Variants in KMT2C observed in about 807,000 individuals in gnomAD.
KMT2C encodes lysine methyltransferase 2C, also known as histone-lysine N-methyltransferase 2C.
KMT2C carries 88 observed loss-of-function variants against 507.9 expected under a neutral mutation model. The ratio of observed to expected loss-of-function variants is 0.17; its 90% CI spans 0.15 to 0.21. The LOEUF (loss-of-function observed/expected upper bound fraction) is 0.21. Among genes scored for constraint, KMT2C ranks in the 10% least tolerant of loss-of-function variants. The pLI, the probability that KMT2C is intolerant of heterozygous loss-of-function variation, is 1.00. For synonymous variants in KMT2C, 2,049 were observed against 2,080.8 expected, an observed-to-expected ratio of 0.98 and a Z score of 0.42; for missense variants, 4,954 against 5,957.8, an observed-to-expected ratio of 0.83 and a Z score of 5.55.
intron 3 of KMT2C, among the ~76,000 whole-genome samples, chr7:152,329,333 G>A (rs2096858813): frequency 6.6e-6 from 1 of 152,084 alleles, no homozygotes; most frequent in South Asian, 2.1e-4. Flanking sequence ...GGGAGGCTGA[G>A]ACAGGAGGAT....
At chr7:152,283,313 A>G (rs532997997) in intron 6 of KMT2C, among the ~76,000 whole-genome samples, 22 of 152,400 alleles carry the variant, frequency 1.4e-4, no homozygotes, top group Admixed American at 1.1e-3. Flanking sequence ...TGCCTATTAC[A>G]GAAGAGTTAA....
At chr7:152,245,317 A>G (rs1019696462) in intron 14 of KMT2C, among the ~76,000 whole-genome samples, 2 of 152,188 alleles carry the variant, frequency 1.3e-5, no homozygotes, top group Non-Finnish European at 2.9e-5. Context: ...TTTGTCTTGC[A>G]TCGTCCAATA....
rs2129089846 is a variant in KMT2C, at chr7:152,139,703, T to C, written c.14432A>G (p.Asn4811Ser). The change falls in exon 56 of 59, where the codon AAC becomes AGC. Residue 4811 changes from asparagine (N) to serine (S), a missense_variant. By Grantham distance (46) the Asn-to-Ser change is conservative. Around this residue, in one of 29 missense-constraint regions of KMT2C, gnomAD observed 133 missense variants for 258.9 expected, o/e 0.51. Transcript: ENST00000262189. ...AGACTCATAAAGCTTCTCTTTCCTG[T>C]TGGCTACTTCGTTTCGAATGATAGT... ...IGTIIRNEVA[N>S]RKEKLYESQN... 1 of 1,613,852 alleles carries C rather than the reference T, an allele frequency of 6.2e-7. No individual in the cohort carries two copies. The highest frequency in any genetic ancestry group is 8.5e-7 in the Non-Finnish European group (1 of 1,179,714).
chr7:152,353,678 T>C (rs1038675145), intron 2 of KMT2C, among the ~76,000 whole-genome samples: 2 of 152,034 alleles, frequency 1.3e-5, no homozygotes, highest in African/African-American at 2.4e-5. Flanking sequence ...TTGTATTTTT[T>C]TGTAGAGACG....
intron 6 of KMT2C, among the ~76,000 whole-genome samples, chr7:152,300,854 T>C (rs2096559632): frequency 3.3e-5 from 5 of 151,680 alleles, no homozygotes; most frequent in Admixed American, 1.3e-4. Flanking sequence ...GGTCAAGAGA[T>C]TGAGACCATC....
intron 1 of KMT2C, among the ~76,000 whole-genome samples, chr7:152,391,194 T>G (rs2097493535): frequency 6.8e-6 from 1 of 146,180 alleles, no homozygotes; most frequent in Non-Finnish European, 1.5e-5. Flanking sequence ...TTTAACATTC[T>G]GTTGCATGTA....
intron 6 of KMT2C, among the ~76,000 whole-genome samples, chr7:152,283,202 T>TA (rs1244594572): frequency 6.6e-6 from 1 of 152,302 alleles, no homozygotes; most frequent in Non-Finnish European, 1.5e-5. Flanking sequence ...TCATAATGTA[T>TA]ACAATGATAA....
At position 152,401,825 on chromosome 7, in the gene KMT2C, T is replaced by C. The variant is rs370615255; in HGVS notation, c.161+33801A>G. Among the ~76,000 whole-genome samples, 24 of 152,346 alleles carry C rather than the reference T, an allele frequency of 1.6e-4. No homozygotes were observed. The East Asian group carries it at 2.3e-3, about 15-fold the overall frequency. ...GGAAAAGGAAAGGTAAAAAGAAGAG[T>C]TGCAGCCGGGCGTGGTGGCTCACAC... On this transcript the variant is annotated intron_variant, in intron 1 of 58. Coordinates refer to ENST00000262189, the MANE Select transcript of KMT2C (RefSeq NM_170606.3).
At chr7:152,399,097 G>A (rs2097555589) in intron 1 of KMT2C, among the ~76,000 whole-genome samples, 2 of 151,874 alleles carry the variant, frequency 1.3e-5, no homozygotes, top group South Asian at 4.2e-4. Context: ...TCAAAGTGCT[G>A]GGATTTCAGG....
chr7:152,372,872 A>G (rs747591055), intron 1 of KMT2C, among the ~76,000 whole-genome samples: 56 of 152,226 alleles, frequency 3.7e-4, no homozygotes, highest in Non-Finnish European at 5.4e-4. Flanking sequence ...TAACAGACAC[A>G]TACAGAACAT....
intron 1 of KMT2C, among the ~76,000 whole-genome samples, chr7:152,426,766 C>T (rs966691852): frequency 2.0e-5 from 3 of 152,064 alleles, no homozygotes; most frequent in Admixed American, 6.6e-5. Flanking sequence ...TGTATTATTA[C>T]GTCCTCTCTA....
chr7:152,383,097 T>C (rs2097387952), intron 1 of KMT2C, among the ~76,000 whole-genome samples: 1 of 152,304 alleles, frequency 6.6e-6, no homozygotes, highest in Non-Finnish European at 1.5e-5. Context: ...TATACATTTT[T>C]CTACTTTTCT....
At position 152,163,643 on chromosome 7, in the gene KMT2C, G is replaced by C. The variant is rs1202347307; in HGVS notation, c.9934C>G (p.Gln3312Glu). 1 of 1,612,788 alleles carries C rather than the reference G, an allele frequency of 6.2e-7. No individual in the cohort carries two copies. The highest frequency in any genetic ancestry group is 1.3e-5 in the African/African-American group (1 of 74,900). The change falls in exon 43 of 59, where the codon CAG becomes GAG. Residue 3312 changes from glutamine (Q) to glutamate (E), a missense_variant. Physicochemically the swap from Gln to Glu is conservative, Grantham distance 29 (BLOSUM62 2). Around this residue, in one of 29 missense-constraint regions of KMT2C, gnomAD observed 801 missense variants for 751.2 expected, o/e 1.07. Coordinates refer to ENST00000262189, the MANE Select transcript of KMT2C (RefSeq NM_170606.3). ...PTFPMVPQQL[Q>E]HQQHTTVISG... Reference sequence around the variant, plus strand: ...ATAACTGTTGTGTGCTGCTGGTGCTGAAGCTGCTGTGGCACCATGGGAAAG... The same window carrying C: ...ATAACTGTTGTGTGCTGCTGGTGCTCAAGCTGCTGTGGCACCATGGGAAAG...
intron 2 of KMT2C, among the ~76,000 whole-genome samples, chr7:152,342,868 A>G (rs569630925): frequency 1.3e-5 from 2 of 152,346 alleles, no homozygotes; most frequent in Admixed American, 6.5e-5. Flanking sequence ...AGCCTAACCT[A>G]CGAGAAGAGA....
At chr7:152,310,751 A>G (rs1325467516) in intron 5 of KMT2C, among the ~76,000 whole-genome samples, 3 of 152,066 alleles carry the variant, frequency 2.0e-5, no homozygotes, top group Middle Eastern at 3.4e-3. Flanking sequence ...TGGCATGAAC[A>G]CAGCTCACTG....
intron 9 of KMT2C, among the ~76,000 whole-genome samples, chr7:152,259,865 A>G (rs1485248220): frequency 6.6e-6 from 1 of 152,248 alleles, no homozygotes; most frequent in East Asian, 1.9e-4. Flanking sequence ...AATGCAAACA[A>G]ATGAGCAAAT....
chr7:152,326,378 TAA>T lies in KMT2C; in HGVS notation c.389+4221_389+4222del, dbSNP rs557649338. Among the ~76,000 whole-genome samples the T allele has an allele frequency of 3.9e-4, 59 of 152,296 alleles. 2 individuals are homozygous for T. In the South Asian group the frequency reaches 0.012, roughly 31 times the overall value. Reference sequence around the variant, plus strand: ...CCAAAAAGTTTTATAATTTTCTCTATAAAAGTCTTACATTTTTGCACATAATC... The same window carrying T: ...CCAAAAAGTTTTATAATTTTCTCTATAAGTCTTACATTTTTGCACATAATC... On this transcript the variant is annotated intron_variant, in intron 3 of 58. Transcript: ENST00000262189.
chr7:152,364,950 C>G (rs944489201), intron 1 of KMT2C, among the ~76,000 whole-genome samples: 10 of 151,860 alleles, frequency 6.6e-5, no homozygotes, highest in African/African-American at 2.4e-4. Flanking sequence ...CACACACACA[C>G]ACACACACAC....
Position 152,181,865 on chromosome 7 carries a change from T to C in KMT2C, c.5995A>G (p.Ile1999Val), listed in dbSNP as rs893417226. 4 of 1,614,064 alleles carry C rather than the reference T, an allele frequency of 2.5e-6. No individual in the cohort carries two copies. Among genetic ancestry groups the C allele is most frequent in the Admixed American group, 3.3e-5 (2 of 60,002 alleles). Residue 1999 changes from isoleucine (I) to valine (V), a missense_variant, in exon 36 of 59, where the codon ATA becomes GTA. This residue lies in a region of KMT2C where 1,689 missense variants were observed against 1,654.3 expected (regional missense o/e 1.02). Transcript: ENST00000262189. ...AAGTGATCACTGGTTCCAGCTGCTA[T>C]AGGGCCTTTTGCAGTTTGTTCTGAA... ...VVSEQTAKGP[I>V]AAGTSDHFTK... is the part of the protein sequence containing the mutation.
Sources: allele counts gnomAD v4.1 joint callset (sites outside exome capture counted in the v4.1 genomes callset), GRCh38; gene constraint gnomAD v4.1.1; regional missense constraint gnomAD v4.1.1; transcripts MANE v1.5; gene names NCBI Gene and HGNC (gene_info 2026-07-23, HGNC 2026-07-21).